ATP13A4: variants seen among roughly 807,000 people sequenced by gnomAD.
ATP13A4 encodes the protein ATPase 13A4, also known as probable cation-transporting ATPase 13A4.
ATP13A4 carries 114 observed loss-of-function variants against 142.5 expected under a neutral mutation model. The ratio of observed to expected loss-of-function variants is 0.80; its 90% CI spans 0.69 to 0.93. The LOEUF is 0.93. ATP13A4 is among the 40% of genes least tolerant of loss of function. The pLI is 0.00. For missense variants in ATP13A4, 1,392 were observed against 1,454.0 expected, an observed-to-expected ratio of 0.96 and a Z score of 0.69; for synonymous variants, 488 against 514.8, an observed-to-expected ratio of 0.95 and a Z score of 0.70.
At chr3:193,440,236 C>T (rs1716547679) in intron 21 of ATP13A4, 1 of 317,730 alleles carries the variant, frequency 3.1e-6, no homozygotes, top group African/African-American at 2.1e-5. Flanking sequence ...CTCAAGCCAC[C>T]TTTCCATTCT....
At chr3:193,531,340 G>GAAAGGAAGGAAGGAAGAGAGGAAGGA (rs1411918662) in intron 1 of ATP13A4, among the ~76,000 whole-genome samples, 1 of 91,910 alleles carries the variant, frequency 1.1e-5, no homozygotes, top group African/African-American at 4.0e-5. Context: ...GGAAGGAAGG[G>GAAAGGAAGGAAGGAAGAGAGGAAGGA]AGGAAGAGAG....
intron 2 of ATP13A4, among the ~76,000 whole-genome samples, chr3:193,580,707 G>A (rs381417): frequency 0.87 from 132,795 of 152,170 alleles, 58,147 homozygotes; most frequent in East Asian, 0.97. Flanking sequence ...AAATACCTGC[G>A]AGTAGGGGGA....
intron 13 of ATP13A4, among the ~76,000 whole-genome samples, chr3:193,462,461 A>G (rs548203562): frequency 8.5e-4 from 130 of 152,254 alleles, no homozygotes; most frequent in Non-Finnish European, 1.6e-3. Flanking sequence ...TAAATTACTT[A>G]TACTGCGTCA....
intron 25 of ATP13A4, chr3:193,416,944 A>AACAAT (rs1236736328): frequency 2.0e-5 from 3 of 152,172 alleles, no homozygotes; most frequent in Non-Finnish European, 4.4e-5. Flanking sequence ...AACAAAACAA[A>AACAAT]ACAAAGACAA....
intron 25 of ATP13A4, among the ~76,000 whole-genome samples, chr3:193,415,565 C>A (rs181631392): frequency 2.6e-5 from 4 of 152,290 alleles, no homozygotes; most frequent in Admixed American, 2.6e-4. Flanking sequence ...TCCCTGGTTA[C>A]AAAAGGAGCA....
intron 17 of ATP13A4, among the ~76,000 whole-genome samples, chr3:193,450,731 C>T (rs559451377): frequency 1.3e-5 from 2 of 152,244 alleles, no homozygotes; most frequent in South Asian, 4.2e-4. Context: ...ATGTTCCAAG[C>T]TAGGAAATCT....
chr3:193,403,946 C>A (rs1714369978), intron 29 of ATP13A4: 1 of 985,170 alleles, frequency 1.0e-6, no homozygotes, highest in Non-Finnish European at 1.2e-6. Flanking sequence ...TAAAATCTAC[C>A]CATTTTTGCC....
chr3:193,560,754 A>G (rs1260830379), intron 2 of ATP13A4, among the ~76,000 whole-genome samples: 1 of 152,220 alleles, frequency 6.6e-6, no homozygotes, highest in African/African-American at 2.4e-5. Flanking sequence ...TGGGGAGCTG[A>G]TGACACTGCA....
In ATP13A4 at chr3:193,442,569, A is replaced by T; in HGVS notation, c.2153-13T>A. 1 of 1,611,364 alleles carries T rather than the reference A, an allele frequency of 6.2e-7. No individual in the cohort carries two copies. The highest frequency in any genetic ancestry group is 8.5e-7 in the Non-Finnish European group (1 of 1,177,828). On this transcript the variant is annotated splice_polypyrimidine_tract_variant and intron_variant, in intron 18 of 29. Coordinates refer to ENST00000342695, the MANE Select transcript of ATP13A4 (RefSeq NM_032279.4). ...TGAAGATTGTCACCTAGAGGAAAGGAGGAGTATCTCAAGATGAGGTTGACA... is the reference window on the plus strand; with the variant it reads ...TGAAGATTGTCACCTAGAGGAAAGGTGGAGTATCTCAAGATGAGGTTGACA...
chr3:193,568,172 G>C (rs1302115183), intron 2 of ATP13A4, among the ~76,000 whole-genome samples: 1 of 151,998 alleles, frequency 6.6e-6, no homozygotes, highest in Non-Finnish European at 1.5e-5. Context: ...TGTTGGCCAG[G>C]CTGGTCTCAA....
chr3:193,527,876 G>A (rs1722100200), intron 1 of ATP13A4, among the ~76,000 whole-genome samples: 1 of 152,136 alleles, frequency 6.6e-6, no homozygotes, highest in Non-Finnish European at 1.5e-5. Context: ...TGAATTAAAT[G>A]ATCTCTTGAG....
intron 1 of ATP13A4, among the ~76,000 whole-genome samples, chr3:193,585,292 C>T (rs1205917349): frequency 6.6e-6 from 1 of 151,880 alleles, no homozygotes; most frequent in Non-Finnish European, 1.5e-5. Context: ...TGGTGGCAGG[C>T]ACCTATAATC....
intron 1 of ATP13A4, among the ~76,000 whole-genome samples, chr3:193,582,569 A>T (rs1280895117): frequency 2.2e-5 from 3 of 134,422 alleles, no homozygotes; most frequent in Admixed American, 8.2e-5. Context: ...TATATAATAC[A>T]TATAATATAT....
chr3:193,518,168 G>A lies in ATP13A4; in HGVS notation c.61-3297C>T, dbSNP rs535838683. ...ATTCTTGCACTGCAGTAATCAGTTGGAGAGCAAAAAAAACCATGTGTAATA... is the reference window on the plus strand; with the variant it reads ...ATTCTTGCACTGCAGTAATCAGTTGAAGAGCAAAAAAAACCATGTGTAATA... On this transcript the variant is annotated intron_variant, in intron 1 of 29. Coordinates refer to ENST00000342695, the MANE Select transcript of ATP13A4 (RefSeq NM_032279.4). Among the ~76,000 whole-genome samples, 3 of 152,154 alleles carry A rather than the reference G, an allele frequency of 2.0e-5. No individual in the cohort carries two copies. The South Asian group carries it at 6.2e-4, about 32-fold the overall frequency.
At chr3:193,460,514 T>C (rs1717888060) in intron 13 of ATP13A4, among the ~76,000 whole-genome samples, 1 of 152,232 alleles carries the variant, frequency 6.6e-6, no homozygotes, top group Non-Finnish European at 1.5e-5. Context: ...ATATTGACCC[T>C]GTTAGTTATA....
chr3:193,492,893 TATA>T (rs1720020717), intron 5 of ATP13A4, 21 bp downstream of exon 5: 9 of 1,542,146 alleles, frequency 5.8e-6, no homozygotes, highest in Non-Finnish European at 8.1e-6. Flanking sequence ...TTTGAGCTAG[TATA>T]GGCAATAATA....
intron 18 of ATP13A4, among the ~76,000 whole-genome samples, chr3:193,446,289 T>G (rs1447374710): frequency 6.6e-6 from 1 of 151,986 alleles, no homozygotes; most frequent in Non-Finnish European, 1.5e-5. Context: ...AGGCAAAAAT[T>G]AAATAAACAA....
In ATP13A4 at chr3:193,467,638, T is replaced by C. The variant is rs1718381156; in HGVS notation, c.944-152A>G. ...GGTATTGGGGATACAAGCATAAACATAGTTCTTACTTCTAAGAGGTCTGTA... is the reference window on the plus strand; with the variant it reads ...GGTATTGGGGATACAAGCATAAACACAGTTCTTACTTCTAAGAGGTCTGTA... On this transcript the variant is annotated intron_variant, in intron 9 of 29. Transcript: ENST00000342695. 1.4e-5 allele frequency: 11 copies of C among 763,640 alleles called. No homozygotes were observed. The Admixed American group carries it at 2.0e-4, about 14-fold the overall frequency. 47.3% of individuals were successfully genotyped at this position (763,640 alleles called of 1,614,324 possible).
intron 2 of ATP13A4, among the ~76,000 whole-genome samples, chr3:193,561,352 C>A (rs1724012877): frequency 6.6e-6 from 1 of 152,192 alleles, no homozygotes; most frequent in South Asian, 2.1e-4. Context: ...AGCGGCAAGG[C>A]TGGGGCTCCA....
Sources: allele counts gnomAD v4.1 joint callset (sites outside exome capture counted in the v4.1 genomes callset), GRCh38; gene constraint gnomAD v4.1.1; transcripts MANE v1.5; gene names NCBI Gene and HGNC (gene_info 2026-07-23, HGNC 2026-07-21).